Variants in TBCD observed in about 807,000 individuals in gnomAD.
TBCD encodes tubulin-specific chaperone D.
Under a neutral mutation model 169.3 loss-of-function variants are expected in TBCD, and 105 were observed. That is an observed-to-expected ratio of 0.62 (90% CI 0.53 to 0.73). The LOEUF (loss-of-function observed/expected upper bound fraction) is 0.73, where lower values mean the gene tolerates loss of function less well. Among genes scored for constraint, TBCD ranks in the 30% least tolerant of loss-of-function variants. The pLI is 0.00. For synonymous variants in TBCD, 700 were observed against 643.9 expected, an observed-to-expected ratio of 1.09 and a Z score of -1.32; for missense variants, 1,444 against 1,600.1, an observed-to-expected ratio of 0.90 and a Z score of 1.66.
At chr17:82,843,309 T>C (rs2054696842) in intron 13 of TBCD, among the ~76,000 whole-genome samples, 1 of 133,360 alleles carries the variant, frequency 7.5e-6, no homozygotes. Flanking sequence ...TACTTACCCT[T>C]CCCTTCCCCT....
At chr17:82,787,091 C>G (rs985472628) in intron 7 of TBCD, among the ~76,000 whole-genome samples, 1 of 152,166 alleles carries the variant, frequency 6.6e-6, no homozygotes, top group African/African-American at 2.4e-5. Context: ...GAGAGACATT[C>G]GTTTTTCCCC....
intron 15 of TBCD, among the ~76,000 whole-genome samples, chr17:82,887,128 ACT>A (rs879363962): frequency 0.021 from 2,206 of 104,842 alleles, 48 homozygotes; most frequent in African/African-American, 0.077. Flanking sequence ...TTTTACCTGT[ACT>A]CTGTGTGTGT....
intron 14 of TBCD, among the ~76,000 whole-genome samples, chr17:82,872,461 C>T (rs1008230387): frequency 1.3e-4 from 20 of 152,262 alleles, no homozygotes; most frequent in Middle Eastern, 3.4e-3. Flanking sequence ...CGGAGAGGTC[C>T]GGCTTTAGGC....
chr17:82,839,146 T>A (rs1455987779), intron 13 of TBCD, among the ~76,000 whole-genome samples: 1 of 152,256 alleles, frequency 6.6e-6, no homozygotes, highest in African/African-American at 2.4e-5. Context: ...TATGTACTTA[T>A]TTTAAACTTT....
chr17:82,822,732 G>A (rs1044845296), intron 13 of TBCD, among the ~76,000 whole-genome samples: 19 of 152,202 alleles, frequency 1.2e-4, no homozygotes, highest in Admixed American at 3.9e-4. Context: ...AAGGAAATAC[G>A]CTGCATGTAG....
At chr17:82,919,425 G>T (rs2061280421) in intron 23 of TBCD, among the ~76,000 whole-genome samples, 1 of 152,114 alleles carries the variant, frequency 6.6e-6, no homozygotes. Context: ...CGGAGATTGA[G>T]AATAAACGTC....
At chr17:82,772,308 A>C in intron 5 of TBCD, 144 bp from the exon 6 acceptor site, 1 of 780,110 alleles carries the variant, frequency 1.3e-6, no homozygotes. Context: ...TTTTTTTTGC[A>C]GCTTTGGACT....
At chr17:82,900,957 G>C (rs1436401847) in intron 18 of TBCD, among the ~76,000 whole-genome samples, 1 of 152,264 alleles carries the variant, frequency 6.6e-6, no homozygotes, top group African/African-American at 2.4e-5. Flanking sequence ...ACGTGGCGGT[G>C]TACCCGTGCA....
At chr17:82,886,836 C>CT (rs1227087242) in intron 15 of TBCD, among the ~76,000 whole-genome samples, 1 of 150,352 alleles carries the variant, frequency 6.7e-6, no homozygotes, top group East Asian at 2.0e-4. Context: ...TGCCCGGCTA[C>CT]TTTTTGTATT....
chr17:82,827,301 G>A (rs1391087137), intron 13 of TBCD, among the ~76,000 whole-genome samples: 1 of 152,210 alleles, frequency 6.6e-6, no homozygotes, highest in Non-Finnish European at 1.5e-5. Flanking sequence ...CCAGTCTCTG[G>A]AGCAGTTCCC....
intron 4 of TBCD, among the ~76,000 whole-genome samples, chr17:82,766,844 C>T (rs1351622791): frequency 6.6e-6 from 1 of 152,226 alleles, no homozygotes; most frequent in African/African-American, 2.4e-5. Context: ...CCGGGGTCCT[C>T]CAGTTGGGTC....
Position 82,937,444 on chromosome 17 carries a change from C to T in TBCD, c.3281+84C>T, listed in dbSNP as rs531619703. The T allele has an allele frequency of 1.6e-3, 1,900 of 1,221,214 alleles. No homozygotes were observed. The highest frequency in any genetic ancestry group is 3.0e-3 in the Admixed American group (171 of 56,224). The allele number at this position is 1,221,214 out of a possible 1,614,324, so 75.6% of individuals were successfully genotyped here. A position where few individuals can be genotyped will look rare whatever the true frequency, so the allele number is the denominator to read the frequency against. ...GAGGGCAGGAGTCCACGGCTCCAGGCGGGAGAGGAGCAGTTAGTGTTACTC... is the reference window on the plus strand; with the variant it reads ...GAGGGCAGGAGTCCACGGCTCCAGGTGGGAGAGGAGCAGTTAGTGTTACTC... On this transcript the variant is annotated intron_variant, in intron 35 of 38. Transcript: ENST00000355528.
chr17:82,891,758 G>C (rs1364568976), intron 16 of TBCD, among the ~76,000 whole-genome samples: 1 of 151,548 alleles, frequency 6.6e-6, no homozygotes, highest in Non-Finnish European at 1.5e-5. Context: ...CGGCCTGGGG[G>C]ACACAGAGGG....
Position 82,890,659 on chromosome 17 carries a change from A to G in TBCD, c.1563+962A>G, listed in dbSNP as rs1460981373. Among the ~76,000 whole-genome samples the G allele has an allele frequency of 6.6e-6, 1 of 152,042 alleles. No homozygotes were observed. Among genetic ancestry groups the G allele is most frequent in the Non-Finnish European group, 1.5e-5 (1 of 68,008 alleles). The stretch of plus-strand genomic sequence containing the variant: ...GGTGTGGGCGGCTTTCTGTAGACGG[A>G]GCCCAGGAAGGGGCGTGACTACTTC... On this transcript the variant is annotated intron_variant, in intron 16 of 38. Transcript: ENST00000355528. This position sits in a 1 kb window ranked among gnomAD's most constrained non-coding sequence, Gnocchi z 5.3.
chr17:82,772,826 A>T (rs949820533), intron 6 of TBCD, among the ~76,000 whole-genome samples: 1 of 152,096 alleles, frequency 6.6e-6, no homozygotes, highest in African/African-American at 2.4e-5. Context: ...GGTGGCAGTT[A>T]TGAGAAACAT....
chr17:82,877,487 G>A (rs1277590685), intron 14 of TBCD, among the ~76,000 whole-genome samples: 1 of 152,110 alleles, frequency 6.6e-6, no homozygotes, highest in South Asian at 2.1e-4. Context: ...TTACAGGTGC[G>A]CATCACCACC....
At chr17:82,783,692 A>G (rs1310231877) in intron 7 of TBCD, among the ~76,000 whole-genome samples, 2 of 152,106 alleles carry the variant, frequency 1.3e-5, no homozygotes, top group East Asian at 3.8e-4. Flanking sequence ...CGTTCCCTTT[A>G]TGGCCGAATC....
chr17:82,882,877 G>T (rs1438166224), intron 14 of TBCD, among the ~76,000 whole-genome samples: 1 of 152,260 alleles, frequency 6.6e-6, no homozygotes, highest in South Asian at 2.1e-4. Flanking sequence ...TCACACACAC[G>T]CCCCGGAAGT....
intron 12 of TBCD, 111 bp from the exon 13 acceptor site, chr17:82,814,729 C>T: frequency 9.8e-7 from 1 of 1,018,560 alleles, no homozygotes; most frequent in Non-Finnish European, 1.5e-6. Flanking sequence ...CTTACGTGAG[C>T]CTTACAGGCA....
Sources: gnomAD v4.1 joint callset for allele counts (sites outside exome capture counted in the v4.1 genomes callset) on GRCh38, gnomAD v4.1.1 for gene constraint, Gnocchi (gnomAD v3.1) non-coding constraint, MANE v1.5 for transcripts, NCBI Gene and HGNC (gene_info 2026-07-23, HGNC 2026-07-21) for gene names.